Variants in CMSS1 observed in about 807,000 individuals in gnomAD.
The protein encoded by CMSS1 is cms1 ribosomal small subunit homolog.
CMSS1 carries 33 observed loss-of-function variants against 43.5 expected under a neutral mutation model. The ratio of observed to expected loss-of-function variants is 0.76; its 90% CI spans 0.57 to 1.01. The LOEUF is 1.01. CMSS1 is among the 50% of genes least tolerant of loss of function. The probability of loss-of-function intolerance (pLI) is 0.00; values close to 1 mark genes in which losing one functional copy is unlikely to be tolerated. For synonymous variants in CMSS1, 115 were observed against 117.2 expected (o/e 0.98, Z 0.12); for missense variants, 313 against 326.4 (o/e 0.96, Z 0.32).
chr3:99,833,276 A>G, intron 1 of CMSS1: 12 of 1,603,498 alleles, frequency 7.5e-6, no homozygotes, highest in Non-Finnish European at 1.0e-5. Flanking sequence ...GGAGCAGTAG[A>G]AAGAAGAGGA....
Position 100,051,433 on chromosome 3 carries a change from G to A in CMSS1, c.65-95540G>A, listed in dbSNP as rs1575991693. 3 of 151,464 alleles carry A rather than the reference G, an allele frequency of 2.0e-5. No homozygotes were observed. The South Asian group carries it at 6.3e-4, about 32-fold the overall frequency. The allele number at this position is 151,464 out of a possible 1,614,324, so 9.4% of individuals were successfully genotyped here. On this transcript the variant is annotated intron_variant, in intron 1 of 9. Coordinates refer to ENST00000421999, the MANE Select transcript of CMSS1 (RefSeq NM_032359.4). ...AGGTTAGTTACATATGTATACATGT[G>A]CCATGTTGGTGTGCTGCACTCATTA...
intron 1 of CMSS1, among the ~76,000 whole-genome samples, chr3:99,846,670 T>C (rs1321533290): frequency 6.6e-6 from 1 of 152,232 alleles, no homozygotes; most frequent in Non-Finnish European, 1.5e-5. Flanking sequence ...GTGTTGCAGT[T>C]CGTCACCATG....
intron 2 of CMSS1, among the ~76,000 whole-genome samples, chr3:100,153,821 G>A (rs1258982935): frequency 1.3e-5 from 2 of 151,452 alleles, no homozygotes; most frequent in East Asian, 3.9e-4. Flanking sequence ...TCTATTGATG[G>A]ACACCTGAGG....
intron 1 of CMSS1, among the ~76,000 whole-genome samples, chr3:99,895,569 T>C (rs1706224983): frequency 6.6e-6 from 1 of 152,180 alleles, no homozygotes; most frequent in African/African-American, 2.4e-5. Flanking sequence ...CACAATAGCA[T>C]AACTATGAAC....
intron 1 of CMSS1, among the ~76,000 whole-genome samples, chr3:100,132,452 G>C (rs1374242842): frequency 6.6e-6 from 1 of 152,042 alleles, no homozygotes; most frequent in African/African-American, 2.4e-5. Flanking sequence ...AAAATTAATA[G>C]AGCCATAAAA....
intron 1 of CMSS1, among the ~76,000 whole-genome samples, chr3:100,046,686 A>G (rs74819924): frequency 1.8e-3 from 270 of 152,258 alleles, no homozygotes; most frequent in African/African-American, 6.2e-3. Context: ...AGCTCCAGGT[A>G]ATAGAAATAA....
chr3:100,078,711 C>T (rs1295767848), intron 1 of CMSS1, among the ~76,000 whole-genome samples: 1 of 151,952 alleles, frequency 6.6e-6, no homozygotes, highest in Non-Finnish European at 1.5e-5. Flanking sequence ...GCCAACACGG[C>T]GAAACCCCAT....
chr3:100,174,121 A>T (rs72936594), intron 8 of CMSS1, among the ~76,000 whole-genome samples: 5,014 of 152,290 alleles, frequency 0.033, 269 homozygotes, highest in African/African-American at 0.11. Context: ...AAGTCCTTGA[A>T]CAGTAAGCTG....
chr3:100,003,818 A>G (rs894227562), intron 1 of CMSS1, among the ~76,000 whole-genome samples: 4 of 152,338 alleles, frequency 2.6e-5, no homozygotes, highest in South Asian at 2.1e-4. Context: ...ATTAAGTTCT[A>G]TGTTGAAGTT....
intron 1 of CMSS1, among the ~76,000 whole-genome samples, chr3:99,880,276 CTG>C (rs1705679066): frequency 6.6e-6 from 1 of 152,170 alleles, no homozygotes; most frequent in Non-Finnish European, 1.5e-5. Flanking sequence ...CTGTCTGGCT[CTG>C]TACATGTAGA....
intron 1 of CMSS1, among the ~76,000 whole-genome samples, chr3:99,997,230 CAAG>C (rs1559719252): frequency 6.6e-6 from 1 of 152,034 alleles, no homozygotes; most frequent in East Asian, 1.9e-4. Context: ...CTAGACTAAC[CAAG>C]AAGAAGGTCC....
rs113930025 is a variant in CMSS1 at position 99,854,782 on chromosome 3, C to T, written c.64+36739C>T. Among the ~76,000 whole-genome samples the T allele has an allele frequency of 2.3e-3, 348 of 152,302 alleles. 2 individuals carry two copies. Among genetic ancestry groups the T allele is most frequent in the African/African-American group, 8.0e-3 (332 of 41,570 alleles). On this transcript the variant is annotated intron_variant, in intron 1 of 9. Transcript: ENST00000421999. ...TCTGTCAGTAGAAGTTAGACTCCAT[C>T]GTTTTGCTTTACTCAGCTTTAATTA...
intron 1 of CMSS1, among the ~76,000 whole-genome samples, chr3:99,998,370 C>T (rs551070854): frequency 1.3e-4 from 20 of 152,212 alleles, no homozygotes; most frequent in African/African-American, 4.8e-4. Context: ...TGTAGCAACC[C>T]ATCTTGCATG....
At chr3:100,113,465 TTC>T (rs1434515141) in intron 1 of CMSS1, among the ~76,000 whole-genome samples, 1 of 152,222 alleles carries the variant, frequency 6.6e-6, no homozygotes, top group Non-Finnish European at 1.5e-5. Flanking sequence ...AGAAACCTGC[TTC>T]TGTTCTCTGG....
intron 1 of CMSS1, among the ~76,000 whole-genome samples, chr3:99,961,971 G>A (rs1234747186): frequency 1.3e-5 from 2 of 152,176 alleles, no homozygotes; most frequent in African/African-American, 2.4e-5. Context: ...TAGCAGAGTG[G>A]CAAGGGCTAT....
chr3:100,036,694 A>G (rs573277000), intron 1 of CMSS1, among the ~76,000 whole-genome samples: 1 of 152,348 alleles, frequency 6.6e-6, no homozygotes, highest in African/African-American at 2.4e-5. Flanking sequence ...TCAGTGAGGA[A>G]CAGGATATTT....
At chr3:99,941,592 C>T (rs544800705) in intron 1 of CMSS1, among the ~76,000 whole-genome samples, 12 of 152,132 alleles carry the variant, frequency 7.9e-5, no homozygotes, top group African/African-American at 2.9e-4. Context: ...GTATGCATCA[C>T]AGGGCTGTTT....
At chr3:99,836,008 G>C (rs893360425) in intron 1 of CMSS1, among the ~76,000 whole-genome samples, 2 of 152,154 alleles carry the variant, frequency 1.3e-5, no homozygotes, top group Non-Finnish European at 1.5e-5. Context: ...TATGTCCAGA[G>C]TTTCAAAGGG....
chr3:99,996,011 T>C (rs9852435), intron 1 of CMSS1, among the ~76,000 whole-genome samples: 28,277 of 152,202 alleles, frequency 0.19, 2,963 homozygotes, highest in South Asian at 0.25. Context: ...TTGTTACTTA[T>C]GTAAATTTCT....
Sources: gnomAD v4.1 joint callset for allele counts (sites outside exome capture counted in the v4.1 genomes callset) on GRCh38, gnomAD v4.1.1 for gene constraint, MANE v1.5 for transcripts, NCBI Gene and HGNC (gene_info 2026-07-23, HGNC 2026-07-21) for gene names.